The following NXPH1 variants were observed in gnomAD, a reference collection of about 807,000 sequenced individuals.
NXPH1 encodes the protein neurexophilin-1.
A neutral mutation model predicts 23.7 loss-of-function variants in NXPH1; 5 were observed. The observed-to-expected ratio is 0.21, with a 90% CI of 0.11 to 0.44. NXPH1 has a LOEUF of 0.44. Among genes scored for constraint, NXPH1 ranks in the 20% least tolerant of loss-of-function variants. The pLI is 0.99. For missense variants in NXPH1, 324 were observed against 321.6 expected (o/e 1.01, Z -0.06); for synonymous variants, 144 against 122.2 (o/e 1.18, Z -1.18).
chr7:8,507,239 C>T (rs879446980), intron 2 of NXPH1, among the ~76,000 whole-genome samples: 1 of 151,558 alleles, frequency 6.6e-6, no homozygotes, highest in African/African-American at 2.4e-5. Context: ...TTCTGACTTA[C>T]ATAATTGAAT....
At chr7:8,463,045 G>T (rs1816721362) in intron 2 of NXPH1, among the ~76,000 whole-genome samples, 1 of 152,084 alleles carries the variant, frequency 6.6e-6, no homozygotes, top group Admixed American at 6.5e-5. Flanking sequence ...TTCTAGCCCA[G>T]AAAATTCTTT....
At chr7:8,517,523 C>T (rs1307434973) in intron 2 of NXPH1, among the ~76,000 whole-genome samples, 1 of 152,086 alleles carries the variant, frequency 6.6e-6, no homozygotes, top group East Asian at 1.9e-4. Context: ...CTGGAGTGAT[C>T]CTTGCACATC....
At chr7:8,723,116 G>T (rs1562465510) in intron 2 of NXPH1, among the ~76,000 whole-genome samples, 1 of 152,082 alleles carries the variant, frequency 6.6e-6, no homozygotes, top group Admixed American at 6.5e-5. Context: ...AATTGTGTTT[G>T]CTTCGCATTT....
chr7:8,548,274 G>T (rs540975948), intron 2 of NXPH1, among the ~76,000 whole-genome samples: 3 of 151,638 alleles, frequency 2.0e-5, no homozygotes, highest in African/African-American at 7.2e-5. Flanking sequence ...ACTACTCCTA[G>T]TGTAGCTCAC....
intron 2 of NXPH1, among the ~76,000 whole-genome samples, chr7:8,571,007 A>G (rs910231672): frequency 3.4e-5 from 5 of 146,388 alleles, no homozygotes; most frequent in African/African-American, 5.1e-5. Flanking sequence ...ATGTCTGTCT[A>G]TCTGTCTGTC....
intron 2 of NXPH1, among the ~76,000 whole-genome samples, chr7:8,698,717 T>C (rs1399769873): frequency 6.6e-6 from 1 of 152,138 alleles, no homozygotes; most frequent in African/African-American, 2.4e-5. Context: ...GAACCACAGA[T>C]CTATATAATT....
At chr7:8,700,455 C>A (rs1779605528) in intron 2 of NXPH1, among the ~76,000 whole-genome samples, 1 of 152,066 alleles carries the variant, frequency 6.6e-6, no homozygotes, top group Non-Finnish European at 1.5e-5. Context: ...TCTTTCATTA[C>A]TTTTATAAGT....
chr7:8,669,703 C>T (rs1260727865), intron 2 of NXPH1, among the ~76,000 whole-genome samples: 1 of 152,102 alleles, frequency 6.6e-6, no homozygotes, highest in Non-Finnish European at 1.5e-5. Flanking sequence ...AGTCCAAGGC[C>T]AAGTCCACTG....
chr7:8,582,736 T>G (rs544741050), intron 2 of NXPH1, among the ~76,000 whole-genome samples: 1 of 152,234 alleles, frequency 6.6e-6, no homozygotes, highest in Admixed American at 6.5e-5. Context: ...GAAAAAGCAC[T>G]ATGAGTAAAT....
In NXPH1 at chr7:8,651,796, A is replaced by G. The variant is rs17153337; in HGVS notation, c.55-99212A>G. Among the ~76,000 whole-genome samples the G allele has an allele frequency of 1.8e-3, 275 of 152,310 alleles. 8 individuals carry two copies. The East Asian group carries it at 0.045, about 25-fold the overall frequency. On this transcript the variant is annotated intron_variant, in intron 2 of 2. Transcript: ENST00000405863. Reference sequence around the variant, plus strand: ...ATCATCAACTGCCTGGTGGTTATAAATGTACTGGAAATATTTTTCAATACA... The same window carrying G: ...ATCATCAACTGCCTGGTGGTTATAAGTGTACTGGAAATATTTTTCAATACA...
intron 2 of NXPH1, among the ~76,000 whole-genome samples, chr7:8,440,860 C>T (rs1450051252): frequency 6.6e-6 from 1 of 152,124 alleles, no homozygotes; most frequent in Non-Finnish European, 1.5e-5. Flanking sequence ...AGGTGCTTGT[C>T]AGCTTCACCT....
At chr7:8,703,212 C>G (rs561231938) in intron 2 of NXPH1, among the ~76,000 whole-genome samples, 80 of 152,190 alleles carry the variant, frequency 5.3e-4, no homozygotes, top group Non-Finnish European at 9.9e-4. Context: ...AGGTTCAAGT[C>G]CCAGCCCCTC....
intron 2 of NXPH1, among the ~76,000 whole-genome samples, chr7:8,711,075 C>G (rs1779787315): frequency 6.6e-6 from 1 of 152,160 alleles, no homozygotes; most frequent in African/African-American, 2.4e-5. Context: ...GATATGGCAA[C>G]ATAACTTTCA....
chr7:8,521,716 T>C (rs529427677), intron 2 of NXPH1, among the ~76,000 whole-genome samples: 1 of 152,310 alleles, frequency 6.6e-6, no homozygotes, highest in South Asian at 2.1e-4. Context: ...TTTGACTGAT[T>C]GAATGTTAAA....
intron 2 of NXPH1, among the ~76,000 whole-genome samples, chr7:8,663,738 A>G (rs1820717375): frequency 6.6e-6 from 1 of 152,134 alleles, no homozygotes. Flanking sequence ...CTCAAATTTA[A>G]CTGAGCTGAA....
intron 2 of NXPH1, among the ~76,000 whole-genome samples, chr7:8,550,858 C>T (rs545415318): frequency 1.3e-4 from 20 of 151,566 alleles, no homozygotes; most frequent in African/African-American, 4.6e-4. Flanking sequence ...ACCAACTGCA[C>T]ATTGTACCAT....
chr7:8,708,322 T>C (rs1177972577), intron 2 of NXPH1, among the ~76,000 whole-genome samples: 1 of 152,172 alleles, frequency 6.6e-6, no homozygotes, highest in African/African-American at 2.4e-5. Flanking sequence ...GAGATATGTG[T>C]ACCTAGAATG....
intron 2 of NXPH1, among the ~76,000 whole-genome samples, chr7:8,583,644 A>C (rs1818925522): frequency 6.6e-6 from 1 of 152,170 alleles, no homozygotes; most frequent in Non-Finnish European, 1.5e-5. Context: ...GTGAAGGATG[A>C]CATACTCTGC....
At chr7:8,597,460 G>C (rs562839610) in intron 2 of NXPH1, among the ~76,000 whole-genome samples, 1 of 152,146 alleles carries the variant, frequency 6.6e-6, no homozygotes, top group African/African-American at 2.4e-5. Context: ...AAGATAGTGA[G>C]TTTGAATAAA....
Sources: gnomAD v4.1 joint callset for allele counts (sites outside exome capture counted in the v4.1 genomes callset) on GRCh38, gnomAD v4.1.1 for gene constraint, MANE v1.5 for transcripts, NCBI Gene and HGNC (gene_info 2026-07-23, HGNC 2026-07-21) for gene names.